CACNA1C: variants seen among roughly 807,000 people sequenced by gnomAD.
CACNA1C encodes the protein voltage-dependent L-type calcium channel subunit alpha-1C.
In CACNA1C, 30 loss-of-function variants were observed where a neutral mutation model predicts 229.0. The ratio of observed to expected loss-of-function variants is 0.13; its 90% CI spans 0.10 to 0.18. CACNA1C has a LOEUF of 0.18. Ranked by LOEUF, CACNA1C falls within the 10% of genes least tolerant of loss-of-function variation. CACNA1C has a pLI of 1.00. For synonymous variants in CACNA1C, 1,114 were observed against 1,132.5 expected, an observed-to-expected ratio of 0.98 and a Z score of 0.33; for missense variants, 1,658 against 2,845.0, an observed-to-expected ratio of 0.58 and a Z score of 9.49.
At chr12:2,394,193 C>G (rs1442543765) in intron 3 of CACNA1C, among the ~76,000 whole-genome samples, 1 of 152,158 alleles carries the variant, frequency 6.6e-6, no homozygotes, top group Admixed American at 6.5e-5. Flanking sequence ...CCAGCACGGG[C>G]CAGGCGGAGG....
chr12:1,976,204 C>T (rs1198609711), intron 1 of CACNA1C, among the ~76,000 whole-genome samples: 1 of 152,168 alleles, frequency 6.6e-6, no homozygotes, highest in Non-Finnish European at 1.5e-5. Context: ...AGTTTCATCA[C>T]TCAAGTCACA....
intron 5 of CACNA1C, among the ~76,000 whole-genome samples, chr12:2,468,684 G>T (rs1222766290): frequency 6.6e-6 from 1 of 152,224 alleles, no homozygotes; most frequent in Non-Finnish European, 1.5e-5. Context: ...TTCAAGAGTT[G>T]TGAGCCCCTT....
chr12:2,076,673 C>G (rs1228208822), intron 1 of CACNA1C, among the ~76,000 whole-genome samples: 1 of 152,224 alleles, frequency 6.6e-6, no homozygotes, highest in Admixed American at 6.5e-5. Context: ...TTATTTGCCT[C>G]TGGCTTTTTT....
At chr12:2,503,334 A>T (rs901738599) in intron 7 of CACNA1C, among the ~76,000 whole-genome samples, 13 of 152,248 alleles carry the variant, frequency 8.5e-5, no homozygotes, top group Non-Finnish European at 1.3e-4. Flanking sequence ...TTGGGTTTCT[A>T]TGAGCTAGTT....
intron 5 of CACNA1C, among the ~76,000 whole-genome samples, chr12:2,470,451 C>T (rs1288876876): frequency 6.6e-6 from 1 of 152,160 alleles, no homozygotes; most frequent in East Asian, 1.9e-4. Flanking sequence ...GTGAGGCCAG[C>T]GTCCTGTGAA....
chr12:2,547,461 G>T (rs768664364), intron 9 of CACNA1C: 2 of 779,740 alleles, frequency 2.6e-6, no homozygotes, highest in Non-Finnish European at 4.8e-6. Context: ...AGGCACTCCG[G>T]CGGGCATGCT....
chr12:2,206,019 T>C (rs2097749944), intron 3 of CACNA1C, among the ~76,000 whole-genome samples: 1 of 152,088 alleles, frequency 6.6e-6, no homozygotes, highest in Non-Finnish European at 1.5e-5. Context: ...GATTTCAGCA[T>C]AGGAATTTGG....
At chr12:2,280,751 G>A (rs1372517391) in intron 3 of CACNA1C, among the ~76,000 whole-genome samples, 6 of 150,142 alleles carry the variant, frequency 4.0e-5, no homozygotes, top group African/African-American at 9.8e-5. Flanking sequence ...GCTGTGCTTC[G>A]GTTTAACCTC....
intron 3 of CACNA1C, among the ~76,000 whole-genome samples, chr12:2,153,430 C>T (rs574607658): frequency 1.3e-5 from 2 of 152,320 alleles, no homozygotes; most frequent in South Asian, 4.1e-4. Context: ...CTGTTTTCTT[C>T]CTGCAAAACT....
chr12:2,208,212 A>T (rs756888542), intron 3 of CACNA1C, among the ~76,000 whole-genome samples: 6 of 152,078 alleles, frequency 3.9e-5, no homozygotes, highest in Non-Finnish European at 7.3e-5. Flanking sequence ...ACGTAGCATG[A>T]TGCCCAGCCT....
intron 37 of CACNA1C, among the ~76,000 whole-genome samples, chr12:2,667,323 T>TGGCCATTCCAC (rs879517964): frequency 1.8e-4 from 21 of 115,812 alleles, no homozygotes; most frequent in African/African-American, 7.6e-4. Context: ...GGCCATTCCG[T>TGGCCATTCCAC]GCTCCTTGTT....
At chr12:2,154,722 G>T (rs999004973) in intron 3 of CACNA1C, among the ~76,000 whole-genome samples, 3 of 152,206 alleles carry the variant, frequency 2.0e-5, no homozygotes, top group African/African-American at 7.2e-5. Flanking sequence ...TGCTGCCTAC[G>T]CTGCCTCCTT....
intron 8 of CACNA1C, among the ~76,000 whole-genome samples, chr12:2,507,051 C>G (rs1271757993): frequency 1.3e-5 from 2 of 152,216 alleles, no homozygotes; most frequent in Non-Finnish European, 2.9e-5. Flanking sequence ...ACCCCTCACC[C>G]CAAACCTGGA....
chr12:1,994,085 C>T (rs1457960948), intron 1 of CACNA1C, among the ~76,000 whole-genome samples: 1 of 152,154 alleles, frequency 6.6e-6, no homozygotes, highest in Admixed American at 6.5e-5. Context: ...CTCAATAAAC[C>T]TTGAATGCCT....
intron 29 of CACNA1C, 58 bp downstream of exon 29, chr12:2,612,071 G>A (rs753192184): frequency 3.3e-5 from 34 of 1,042,648 alleles, no homozygotes; most frequent in Non-Finnish European, 4.5e-5. Flanking sequence ...AGAACGGGGA[G>A]GTGGGGTGCA....
chr12:2,061,527 G>T (rs2057488448), intron 1 of CACNA1C, among the ~76,000 whole-genome samples: 1 of 127,030 alleles, frequency 7.9e-6, no homozygotes. Context: ...CTCCCAGGAC[G>T]GTGGAGCCAT....
chr12:2,352,831 G>T (rs1254471308), intron 3 of CACNA1C, among the ~76,000 whole-genome samples: 1 of 152,146 alleles, frequency 6.6e-6, no homozygotes, highest in Non-Finnish European at 1.5e-5. Flanking sequence ...GATCTGAAAA[G>T]GCCCCTTTGA....
Position 2,651,321 on chromosome 12 carries a change from A to C in CACNA1C, c.3946-319A>C. On this transcript the variant is annotated intron_variant, in intron 31 of 46. Transcript: ENST00000399655. The surrounding 1 kb of genome is among the most constrained non-coding windows in gnomAD (Gnocchi z 5.4). ...CTGGGCCTAGAAGATTCCAAAGCCT[A>C]TGGTAGTTCCTGATGGAGTCGTCTG... The C allele has an allele frequency of 2.2e-5, 10 of 463,910 alleles. No individual in the cohort carries two copies. Among genetic ancestry groups the C allele is most frequent in the East Asian group, 3.5e-5 (1 of 28,318 alleles). The allele number at this position is 463,910 out of a possible 1,614,324, so 28.7% of individuals were successfully genotyped here.
chr12:2,258,015 A>C (rs1428777028), intron 3 of CACNA1C, among the ~76,000 whole-genome samples: 1 of 152,254 alleles, frequency 6.6e-6, no homozygotes, highest in African/African-American at 2.4e-5. Context: ...TGCAGTAGGC[A>C]GAGGTTTGAG....
Sources: allele counts gnomAD v4.1 joint callset (sites outside exome capture counted in the v4.1 genomes callset), GRCh38; gene constraint gnomAD v4.1.1; non-coding constraint Gnocchi (gnomAD v3.1); transcripts MANE v1.5; gene names NCBI Gene and HGNC (gene_info 2026-07-23, HGNC 2026-07-21).